Variants in ADCY2 observed in about 807,000 individuals in gnomAD.
ADCY2 encodes adenylate cyclase 2.
Under a neutral mutation model 125.2 loss-of-function variants are expected in ADCY2, and 31 were observed. The ratio of observed to expected loss-of-function variants is 0.25; its 90% CI spans 0.19 to 0.33. The LOEUF (loss-of-function observed/expected upper bound fraction) is 0.33. Ranked by LOEUF, ADCY2 falls within the 10% of genes least tolerant of loss-of-function variation. The pLI is 1.00. For missense variants in ADCY2, 904 were observed against 1,418.2 expected (o/e 0.64, Z 5.82); for synonymous variants, 512 against 548.4 (o/e 0.93, Z 0.93).
At chr5:7,425,815 G>T (rs1156911849) in intron 2 of ADCY2, among the ~76,000 whole-genome samples, 1 of 152,150 alleles carries the variant, frequency 6.6e-6, no homozygotes, top group African/African-American at 2.4e-5. Context: ...TACTATCATG[G>T]TATTTTTTTC....
chr5:7,498,210 A>G (rs80172198), intron 2 of ADCY2, among the ~76,000 whole-genome samples: 7,028 of 148,796 alleles, frequency 0.047, 575 homozygotes, highest in African/African-American at 0.17. Context: ...ACAAGGATAT[A>G]GAGTAAGTAA....
intron 3 of ADCY2, among the ~76,000 whole-genome samples, chr5:7,617,186 G>T (rs1167558387): frequency 3.3e-5 from 5 of 152,092 alleles, no homozygotes; most frequent in Non-Finnish European, 7.4e-5. Flanking sequence ...CGTGTTCAAG[G>T]CTCCTTCCTG....
At chr5:7,771,646 C>T (rs529103120) in intron 17 of ADCY2, among the ~76,000 whole-genome samples, 2 of 152,274 alleles carry the variant, frequency 1.3e-5, no homozygotes, top group South Asian at 4.1e-4. Context: ...CTCCTATTCC[C>T]AACTTTTCTT....
chr5:7,411,902 C>T (rs935573613), intron 1 of ADCY2, among the ~76,000 whole-genome samples: 1 of 151,970 alleles, frequency 6.6e-6, no homozygotes, highest in South Asian at 2.1e-4. Context: ...GGTGAAACCC[C>T]GTCTCTACTA....
chr5:7,438,375 A>G (rs1349702391), intron 2 of ADCY2, among the ~76,000 whole-genome samples: 1 of 152,264 alleles, frequency 6.6e-6, no homozygotes, highest in Non-Finnish European at 1.5e-5. Context: ...AGGAGCAAAC[A>G]TAACATGCAA....
chr5:7,791,356 A>C (rs973469510), intron 20 of ADCY2, among the ~76,000 whole-genome samples: 6 of 152,144 alleles, frequency 3.9e-5, no homozygotes, highest in African/African-American at 1.4e-4. Flanking sequence ...TTAATGGATA[A>C]GCTCAACCTG....
chr5:7,600,853 G>C (rs1348952443), intron 3 of ADCY2, among the ~76,000 whole-genome samples: 1 of 152,162 alleles, frequency 6.6e-6, no homozygotes, highest in Admixed American at 6.5e-5. Flanking sequence ...TTAGAGTGAA[G>C]CCAGGCCATA....
At chr5:7,486,363 A>T (rs1209434449) in intron 2 of ADCY2, among the ~76,000 whole-genome samples, 2 of 152,212 alleles carry the variant, frequency 1.3e-5, no homozygotes, top group Non-Finnish European at 2.9e-5. Flanking sequence ...TTTCTAGTTG[A>T]GTCTTCTGGC....
chr5:7,671,509 T>C (rs1024874400), intron 4 of ADCY2, among the ~76,000 whole-genome samples: 3 of 152,220 alleles, frequency 2.0e-5, no homozygotes, highest in Non-Finnish European at 4.4e-5. Context: ...TGAGAAATAG[T>C]TCTCTCCATC....
At chr5:7,741,561 TATCACC>T (rs200848130) in intron 14 of ADCY2, among the ~76,000 whole-genome samples, 2 of 144,356 alleles carry the variant, frequency 1.4e-5, no homozygotes, top group Admixed American at 6.8e-5. Flanking sequence ...TCACCATCCC[TATCACC>T]ATCACCATCA....
intron 3 of ADCY2, among the ~76,000 whole-genome samples, chr5:7,594,597 T>C (rs1047297688): frequency 5.3e-5 from 8 of 152,276 alleles, no homozygotes; most frequent in African/African-American, 1.9e-4. Context: ...AATTAGTTAT[T>C]GACTTAATTA....
At chr5:7,762,683 A>G (rs1046358739) in intron 16 of ADCY2, among the ~76,000 whole-genome samples, 2 of 152,024 alleles carry the variant, frequency 1.3e-5, no homozygotes, top group African/African-American at 4.8e-5. Flanking sequence ...ATCCTGGAGC[A>G]GTTTCTGGTT....
At chr5:7,756,076 G>A (rs1380831555) in intron 15 of ADCY2, among the ~76,000 whole-genome samples, 1 of 152,216 alleles carries the variant, frequency 6.6e-6, no homozygotes, top group Non-Finnish European at 1.5e-5. Context: ...CCACAGGCCC[G>A]TTAGTGTGAA....
At chr5:7,570,836 G>T (rs1298172937) in intron 3 of ADCY2, among the ~76,000 whole-genome samples, 1 of 151,992 alleles carries the variant, frequency 6.6e-6, no homozygotes, top group Non-Finnish European at 1.5e-5. Flanking sequence ...CTATTTATTT[G>T]TGTTTAAAAT....
rs1189111164 is a variant in ADCY2 at position 7,724,693 on chromosome 5, T to C, written c.1773+79T>C. 3 of 1,088,642 alleles carry C rather than the reference T, an allele frequency of 2.8e-6. No individual in the cohort carries two copies. The African/African-American group carries it at 4.8e-5, about 17-fold the overall frequency. 67.4% of individuals were successfully genotyped at this position (1,088,642 alleles called of 1,614,324 possible). On this transcript the variant is annotated intron_variant, in intron 13 of 24. Transcript: ENST00000338316. ...TCTTCATGAAATTGTGCTCATGTTT[T>C]TTATATGTGACATTTAAACTGCCTC...
At chr5:7,643,558 CT>C (rs5865722) in intron 4 of ADCY2, among the ~76,000 whole-genome samples, 22,512 of 148,432 alleles carry the variant, frequency 0.15, 2,068 homozygotes, top group East Asian at 0.44. Context: ...GGTTTCATTT[CT>C]TTTTTTTTTC....
intron 2 of ADCY2, among the ~76,000 whole-genome samples, chr5:7,514,410 T>C (rs901757079): frequency 6.6e-6 from 1 of 152,230 alleles, no homozygotes; most frequent in African/African-American, 2.4e-5. Flanking sequence ...TTATAAATTG[T>C]AAGTAACCTT....
At chr5:7,752,461 T>A (rs1320317672) in intron 15 of ADCY2, among the ~76,000 whole-genome samples, 1 of 139,198 alleles carries the variant, frequency 7.2e-6, no homozygotes, top group African/African-American at 2.6e-5. Flanking sequence ...CTCTGATATC[T>A]TTATAACTTT....
intron 22 of ADCY2, among the ~76,000 whole-genome samples, chr5:7,810,553 C>T (rs535027940): frequency 6.6e-6 from 1 of 150,812 alleles, no homozygotes; most frequent in African/African-American, 2.4e-5. Flanking sequence ...TGCTTGATTG[C>T]TGGGTTATCT....
Sources: gnomAD v4.1 joint callset for allele counts (sites outside exome capture counted in the v4.1 genomes callset) on GRCh38, gnomAD v4.1.1 for gene constraint, MANE v1.5 for transcripts, NCBI Gene and HGNC (gene_info 2026-07-23, HGNC 2026-07-21) for gene names.